Variants in VPS53 observed in about 807,000 individuals in gnomAD.
VPS53 encodes vacuolar protein sorting-associated protein 53 homolog.
VPS53 carries 70 observed loss-of-function variants against 107.0 expected under a neutral mutation model. The observed-to-expected ratio is 0.65, with a 90% CI of 0.54 to 0.80. The LOEUF (loss-of-function observed/expected upper bound fraction) is 0.80. Among genes scored for constraint, VPS53 ranks in the 30% least tolerant of loss-of-function variants. The pLI is 0.00. For synonymous variants in VPS53, 409 were observed against 393.3 expected, an observed-to-expected ratio of 1.04 and a Z score of -0.47; for missense variants, 917 against 1,049.4, an observed-to-expected ratio of 0.87 and a Z score of 1.74.
chr17:578,276 G>C lies in VPS53; in HGVS notation c.1313+7994C>G, dbSNP rs72477033. Reference sequence around the variant, plus strand: ...TCCCTCAGAATTTAATGCGTTCCCAGAGAAATTCTCTCAGAACCTAATGCG... The same window carrying C: ...TCCCTCAGAATTTAATGCGTTCCCACAGAAATTCTCTCAGAACCTAATGCG... On this transcript the variant is annotated intron_variant, in intron 13 of 21. Coordinates refer to ENST00000437048, the MANE Select transcript of VPS53 (RefSeq NM_001128159.3). 2.0e-3 allele frequency among the ~76,000 whole-genome samples: 305 copies of C among 151,282 alleles called. 8 individuals carry two copies. The East Asian group carries it at 0.054, about 27-fold the overall frequency.
At chr17:686,175 T>C (rs55665727) in intron 4 of VPS53, among the ~76,000 whole-genome samples, 5,505 of 151,786 alleles carry the variant, frequency 0.036, 133 homozygotes, top group East Asian at 0.07. Flanking sequence ...TTTAAAACAG[T>C]CAGGCATAGT....
chr17:528,413 G>T (rs1055432140), intron 19 of VPS53, among the ~76,000 whole-genome samples: 1 of 152,168 alleles, frequency 6.6e-6, no homozygotes, highest in Non-Finnish European at 1.5e-5. Context: ...CCATGTTGTA[G>T]CATGAATGGG....
chr17:602,016 G>T, intron 11 of VPS53, 120 bp from the exon 12 acceptor site: 1 of 646,742 alleles, frequency 1.5e-6, no homozygotes, highest in Non-Finnish European at 2.4e-6. Flanking sequence ...TGATAAAGAA[G>T]AACTGAGGCA....
intron 8 of VPS53, among the ~76,000 whole-genome samples, chr17:630,300 C>A (rs909330215): frequency 3.4e-5 from 5 of 148,254 alleles, no homozygotes; most frequent in African/African-American, 5.1e-5. Flanking sequence ...AAAAAAAAAA[C>A]AAACAAACAA....
chr17:640,055 C>T (rs1970360774), intron 7 of VPS53, among the ~76,000 whole-genome samples: 1 of 152,216 alleles, frequency 6.6e-6, no homozygotes, highest in Non-Finnish European at 1.5e-5. Context: ...CATCCAGTTC[C>T]AGCTTCCTGG....
intron 9 of VPS53, among the ~76,000 whole-genome samples, chr17:627,849 T>C (rs1166874353): frequency 6.6e-6 from 1 of 152,150 alleles, no homozygotes; most frequent in African/African-American, 2.4e-5. Flanking sequence ...CAGGGGTCTA[T>C]ACATTTCCAG....
chr17:634,959 A>T (rs1970130362), intron 7 of VPS53, among the ~76,000 whole-genome samples: 1 of 152,140 alleles, frequency 6.6e-6, no homozygotes, highest in Non-Finnish European at 1.5e-5. Flanking sequence ...TAGATCCTTG[A>T]GGAATCGCCA....
intron 11 of VPS53, among the ~76,000 whole-genome samples, chr17:609,062 A>G (rs965577730): frequency 6.6e-6 from 1 of 152,216 alleles, no homozygotes; most frequent in African/African-American, 2.4e-5. Context: ...GTGATTTACT[A>G]TTCAGTGGTT....
chr17:672,512 G>A (rs180771961), intron 4 of VPS53, among the ~76,000 whole-genome samples: 108 of 152,296 alleles, frequency 7.1e-4, no homozygotes, highest in African/African-American at 2.5e-3. Flanking sequence ...CTAAGAATCA[G>A]AGGTTGTTAC....
In VPS53 at chr17:520,554, A is replaced by C. The variant is rs1166818310; in HGVS notation, c.2224-624T>G. 6.6e-6 allele frequency among the ~76,000 whole-genome samples: 1 copy of C among 152,244 alleles called. No individual in the cohort carries two copies. Among genetic ancestry groups the C allele is most frequent in the Non-Finnish European group, 1.5e-5 (1 of 68,044 alleles). The stretch of plus-strand genomic sequence containing the variant: ...AATTAACATACAAACAAAGGAAAGG[A>C]ACGGCACTGCAACCCTTATTCATTT... On this transcript the variant is annotated intron_variant, in intron 20 of 21. Transcript: ENST00000437048. The surrounding 1 kb of genome is among the most constrained non-coding windows in gnomAD (Gnocchi z 4.4).
At chr17:585,215 G>C (rs1034757037) in intron 13 of VPS53, among the ~76,000 whole-genome samples, 2 of 152,230 alleles carry the variant, frequency 1.3e-5, no homozygotes, top group Non-Finnish European at 2.9e-5. Flanking sequence ...AATGTGATGT[G>C]CCTCTTGACA....
chr17:513,138 A>G lies in VPS53; in HGVS notation c.*5990T>C, dbSNP rs1438808929. ...GGAAGGGAGAAGGGCAGCCACCAGG[A>G]GCGGCCAGGGTCACGGACTTGCTAC... On this transcript the variant is annotated 3_prime_UTR_variant, in exon 22 of 22. Transcript: ENST00000437048. The G allele has an allele frequency of 6.6e-6, 1 of 152,260 alleles. No individual in the cohort carries two copies. The highest frequency in any genetic ancestry group is 1.5e-5 in the Non-Finnish European group (1 of 68,100). 9.4% of individuals were successfully genotyped at this position (152,260 alleles called of 1,614,324 possible). A position where few individuals can be genotyped will look rare whatever the true frequency, so the allele number is the denominator to read the frequency against.
chr17:696,869 T>A lies in VPS53; in HGVS notation c.285+549A>T, dbSNP rs998944466. Among the ~76,000 whole-genome samples the A allele has an allele frequency of 6.3e-5, 9 of 143,412 alleles. No individual in the cohort carries two copies. The Middle Eastern group carries it at 0.018, about 293-fold the overall frequency. 94.1% of individuals were successfully genotyped at this position (143,412 alleles called of 152,430 possible). A position where few individuals can be genotyped will look rare whatever the true frequency, so the allele number is the denominator to read the frequency against. On this transcript the variant is annotated intron_variant, in intron 4 of 21. Coordinates refer to ENST00000437048, the MANE Select transcript of VPS53 (RefSeq NM_001128159.3). ...GTGCAGCGGTGCAATCTCGCCTCAC[T>A]GCAACCTCTGGCTCCTGGGTTCAAG... is the stretch of plus-strand genomic sequence containing the variant.
At chr17:577,438 G>C (rs1360670138) in intron 13 of VPS53, among the ~76,000 whole-genome samples, 2 of 149,628 alleles carry the variant, frequency 1.3e-5, no homozygotes, top group Non-Finnish European at 3.0e-5. Context: ...TGCGTTCCCA[G>C]AGAACCCCCA....
intron 10 of VPS53, among the ~76,000 whole-genome samples, chr17:624,677 C>T (rs1185290617): frequency 6.6e-5 from 10 of 152,208 alleles, no homozygotes; most frequent in Admixed American, 6.5e-5. Flanking sequence ...TCACAAGAAA[C>T]GTGCTGGCTC....
chr17:681,081 G>T (rs977710708), intron 4 of VPS53, among the ~76,000 whole-genome samples: 2 of 151,958 alleles, frequency 1.3e-5, no homozygotes, highest in African/African-American at 4.8e-5. Context: ...CATGTTTTTT[G>T]AAAAATAACT....
At chr17:522,954 A>G (rs1597241773) in intron 19 of VPS53, 1 of 152,354 alleles carries the variant, frequency 6.6e-6, no homozygotes, top group East Asian at 1.9e-4. Flanking sequence ...GGACGGGGTT[A>G]GACAAAAGTT....
chr17:628,032 C>T (rs1329052722), intron 9 of VPS53, 56 bp downstream of exon 9: 2 of 1,551,130 alleles, frequency 1.3e-6, no homozygotes, highest in Non-Finnish European at 1.8e-6. Context: ...CTTGACAGCA[C>T]TCATGTTTCA....
chr17:523,075 A>G (rs749713048), intron 19 of VPS53: 7 of 152,230 alleles, frequency 4.6e-5, no homozygotes, highest in Non-Finnish European at 8.8e-5. Context: ...GTTAGACAAA[A>G]GGTGGAAGGG....
Sources: allele counts gnomAD v4.1 joint callset (sites outside exome capture counted in the v4.1 genomes callset), GRCh38; gene constraint gnomAD v4.1.1; non-coding constraint Gnocchi (gnomAD v3.1); transcripts MANE v1.5; gene names NCBI Gene and HGNC (gene_info 2026-07-23, HGNC 2026-07-21).